Variants in EIF2AK3 observed in about 807,000 individuals in gnomAD.
EIF2AK3 encodes the protein eukaryotic translation initiation factor 2 alpha kinase 3, also known as eukaryotic translation initiation factor 2-alpha kinase 3.
Under a neutral mutation model 113.5 loss-of-function variants are expected in EIF2AK3, and 50 were observed. That is an observed-to-expected ratio of 0.44 (90% confidence interval 0.35 to 0.56). The LOEUF (loss-of-function observed/expected upper bound fraction) is 0.56, where lower values mean the gene tolerates loss of function less well. Ranked by LOEUF, EIF2AK3 falls within the 20% of genes least tolerant of loss-of-function variation. EIF2AK3 has a pLI of 0.00. For synonymous variants in EIF2AK3, 448 were observed against 495.4 expected (o/e 0.90, Z 1.27); for missense variants, 1,185 against 1,378.0 (o/e 0.86, Z 2.22).
intron 15 of EIF2AK3, among the ~76,000 whole-genome samples, chr2:88,561,606 G>C (rs181367351): frequency 6.6e-6 from 1 of 152,314 alleles, no homozygotes; most frequent in Non-Finnish European, 1.5e-5. Context: ...TATAATCCCA[G>C]CACTTTGGGA....
chr2:88,608,078 T>G (rs1009016497), intron 2 of EIF2AK3, among the ~76,000 whole-genome samples: 1 of 152,230 alleles, frequency 6.6e-6, no homozygotes, highest in African/African-American at 2.4e-5. Context: ...GGCTTTAGTA[T>G]TCCAGCAAAA....
At chr2:88,619,713 G>A (rs962409380) in intron 1 of EIF2AK3, among the ~76,000 whole-genome samples, 1 of 152,102 alleles carries the variant, frequency 6.6e-6, no homozygotes, top group Non-Finnish European at 1.5e-5. Flanking sequence ...CAGCACTTTG[G>A]GAGGCCAAGG....
intron 14 of EIF2AK3, among the ~76,000 whole-genome samples, chr2:88,566,607 TATCAA>T: frequency 6.6e-6 from 1 of 152,182 alleles, no homozygotes; most frequent in South Asian, 2.1e-4. Context: ...TTGCTGCACT[TATCAA>T]CCCATCATCT....
Position 88,627,292 on chromosome 2 carries a change from C to T in EIF2AK3, c.-18G>A. ...CGCTCCATCAGCGTCCCGCCCCGCG[C>T]GCAGGCATGGAGGCGCAGCCACTGA... On this transcript the variant is annotated 5_prime_UTR_variant, in exon 1 of 17. Coordinates refer to ENST00000303236, the MANE Select transcript of EIF2AK3 (RefSeq NM_004836.7). 1.3e-6 allele frequency: 2 copies of T among 1,482,640 alleles called. No homozygotes were observed. Among genetic ancestry groups the T allele is most frequent in the Non-Finnish European group, 1.8e-6 (2 of 1,121,600 alleles). 91.8% of individuals were successfully genotyped at this position (1,482,640 alleles called of 1,614,324 possible).
chr2:88,580,674 A>G (rs1674576716), intron 10 of EIF2AK3, among the ~76,000 whole-genome samples: 2 of 152,324 alleles, frequency 1.3e-5, no homozygotes, highest in South Asian at 2.1e-4. Context: ...AATAAATTAG[A>G]TGATGTCTGA....
At chr2:88,625,332 TACAC>T (rs142638680) in intron 1 of EIF2AK3, among the ~76,000 whole-genome samples, 12,683 of 140,280 alleles carry the variant, frequency 0.09, 753 homozygotes, top group South Asian at 0.16. Flanking sequence ...CACACAGACA[TACAC>T]AGAGACAAAA....
At chr2:88,616,748 A>C (rs1302467043) in intron 1 of EIF2AK3, among the ~76,000 whole-genome samples, 1 of 152,118 alleles carries the variant, frequency 6.6e-6, no homozygotes, top group Non-Finnish European at 1.5e-5. Context: ...TTAAAGGATG[A>C]CTTGTACAGT....
chr2:88,627,889 G>GAAGCA (rs374609183), upstream of EIF2AK3: 1 of 152,530 alleles, frequency 6.6e-6, no homozygotes, highest in Non-Finnish European at 1.5e-5. Context: ...TTCTGACTGT[G>GAAGCA]AAGAGGACTG....
At chr2:88,574,185 G>A (rs988840719) in intron 13 of EIF2AK3, among the ~76,000 whole-genome samples, 1 of 152,052 alleles carries the variant, frequency 6.6e-6, no homozygotes, top group Non-Finnish European at 1.5e-5. Flanking sequence ...CAAAAGTGTG[G>A]AGATTTGCCC....
chr2:88,574,775 C>T lies in EIF2AK3; in HGVS notation c.2708G>A (p.Arg903Gln), dbSNP rs1438002291. Residue 903 changes from arginine to glutamine, a missense_variant, in exon 13 of 17, where the codon CGA (arginine) becomes CAA (glutamine). Arg to Gln is a conservative substitution (Grantham distance 43). This residue lies in a region of EIF2AK3 where 877 missense variants were observed against 1,024.2 expected (regional missense o/e 0.86). Coordinates refer to ENST00000303236, the MANE Select transcript of EIF2AK3 (RefSeq NM_004836.7). ...CCTCTCTCTCTCCTCTATGGTACAT[C>T]GTCCATTCATCCAGTCTTTGAGGTT... ...KENLKDWMNG[R>Q]CTIEERERSV... is the part of the protein sequence containing the mutation. 9 of 1,614,088 alleles carry T rather than the reference C, an allele frequency of 5.6e-6. No homozygotes were observed. Among genetic ancestry groups the T allele is most frequent in the African/African-American group, 2.7e-5 (2 of 74,938 alleles).
At chr2:88,586,486 G>A (rs556103590) in intron 8 of EIF2AK3, among the ~76,000 whole-genome samples, 1 of 151,866 alleles carries the variant, frequency 6.6e-6, no homozygotes, top group African/African-American at 2.4e-5. Context: ...CATGCTGTTT[G>A]GTTCAGTTTA....
chr2:88,593,248 C>A lies in EIF2AK3; in HGVS notation c.767+24G>T, dbSNP rs201166305. The A allele has an allele frequency of 1.9e-4, 314 of 1,613,800 alleles. 2 individuals are homozygous for A. In the African/African-American group the frequency reaches 3.7e-3, roughly 19 times the overall value. ...TAGGTGTATTTCTAAATAATACCAA[C>A]AGCAACATTATCTGAATACACACTT... is the stretch of plus-strand genomic sequence containing the variant. On this transcript the variant is annotated intron_variant, in intron 4 of 16. Coordinates refer to ENST00000303236, the MANE Select transcript of EIF2AK3 (RefSeq NM_004836.7).
chr2:88,581,336 A>G (rs925792245), intron 10 of EIF2AK3, among the ~76,000 whole-genome samples: 1 of 152,150 alleles, frequency 6.6e-6, no homozygotes, highest in African/African-American at 2.4e-5. Flanking sequence ...TGACAAATAC[A>G]TCTTTATTCA....
At chr2:88,612,918 G>A (rs1675490545) in intron 2 of EIF2AK3, among the ~76,000 whole-genome samples, 1 of 152,126 alleles carries the variant, frequency 6.6e-6, no homozygotes, top group Admixed American at 6.5e-5. Context: ...GAAAACAGAG[G>A]TGACTGCTTC....
chr2:88,580,910 A>C (rs1674582835), intron 10 of EIF2AK3, among the ~76,000 whole-genome samples: 1 of 152,220 alleles, frequency 6.6e-6, no homozygotes, highest in Admixed American at 6.5e-5. Context: ...CTCAGTACAA[A>C]TCAGTCTCCC....
intron 2 of EIF2AK3, among the ~76,000 whole-genome samples, chr2:88,599,358 A>G (rs974689225): frequency 4.6e-5 from 7 of 152,078 alleles, no homozygotes; most frequent in Non-Finnish European, 1.0e-4. Flanking sequence ...ATTCTCAAAA[A>G]TTAAAACCTT....
At chr2:88,583,577 A>G in intron 9 of EIF2AK3, 35 bp from the exon 10 acceptor site, 1 of 1,471,790 alleles carries the variant, frequency 6.8e-7, no homozygotes, top group Non-Finnish European at 9.5e-7. Flanking sequence ...CTACCAGTAC[A>G]AAGCTGAACT....
At chr2:88,567,209 T>TA (rs1674154917) in intron 14 of EIF2AK3, among the ~76,000 whole-genome samples, 1 of 142,374 alleles carries the variant, frequency 7.0e-6, no homozygotes, top group Admixed American at 7.0e-5. Context: ...CTTCCCTTTC[T>TA]AACCTTTTTT....
intron 10 of EIF2AK3, 72 bp from the exon 11 acceptor site, chr2:88,579,712 A>G: frequency 1.4e-6 from 2 of 1,416,288 alleles, no homozygotes; most frequent in Non-Finnish European, 2.0e-6. Flanking sequence ...AAATCAGTTC[A>G]ATCTTATGAC....
Sources: gnomAD v4.1 joint callset for allele counts (sites outside exome capture counted in the v4.1 genomes callset) on GRCh38, gnomAD v4.1.1 for gene constraint, gnomAD v4.1.1 regional missense constraint, MANE v1.5 for transcripts, NCBI Gene and HGNC (gene_info 2026-07-23, HGNC 2026-07-21) for gene names.